Variants in KIF26B observed in about 807,000 individuals in gnomAD.
The protein encoded by KIF26B is kinesin-like protein KIF26B.
Under a neutral mutation model 151.2 loss-of-function variants are expected in KIF26B, and 63 were observed. The ratio of observed to expected loss-of-function variants is 0.42; its 90% CI spans 0.34 to 0.51. KIF26B has a LOEUF of 0.51. Ranked by LOEUF, KIF26B falls within the 20% of genes least tolerant of loss-of-function variation. The pLI is 0.07. For synonymous variants in KIF26B, 1,357 were observed against 1,262.1 expected, an observed-to-expected ratio of 1.08 and a Z score of -1.59; for missense variants, 2,813 against 2,913.6, an observed-to-expected ratio of 0.97 and a Z score of 0.79.
chr1:245,603,085 G>A (rs2043414504), intron 6 of KIF26B, among the ~76,000 whole-genome samples: 1 of 151,820 alleles, frequency 6.6e-6, no homozygotes, highest in African/African-American at 2.4e-5. Flanking sequence ...AGGACAATGC[G>A]TCAAGGTGCT....
intron 2 of KIF26B, among the ~76,000 whole-genome samples, chr1:245,214,833 TC>T (rs1485104413): frequency 6.6e-6 from 1 of 151,980 alleles, no homozygotes; most frequent in African/African-American, 2.4e-5. Flanking sequence ...AGAGCAAAAC[TC>T]CGTCTGAAAA....
chr1:245,337,401 C>T lies in KIF26B; in HGVS notation c.466-29433C>T, dbSNP rs182071796. 8.3e-3 allele frequency among the ~76,000 whole-genome samples: 1,253 copies of T among 151,844 alleles called. 7 individuals carry two copies. Among genetic ancestry groups the T allele is most frequent in the Non-Finnish European group, 0.011 (736 of 67,950 alleles). ...TTCACCACATTGGCCAGGCTGGTCT[C>T]GAACTCCTGACTTCAAGTGATCCAT... On this transcript the variant is annotated intron_variant, in intron 2 of 14. Coordinates refer to ENST00000407071, the MANE Select transcript of KIF26B (RefSeq NM_018012.4).
intron 4 of KIF26B, among the ~76,000 whole-genome samples, chr1:245,481,400 C>T (rs904332943): frequency 7.9e-5 from 12 of 151,794 alleles, no homozygotes; most frequent in Admixed American, 2.0e-4. Context: ...TCAAATGTAA[C>T]GTAAAAAGGA....
chr1:245,225,885 C>G (rs1268706620), intron 2 of KIF26B: 1 of 152,158 alleles, frequency 6.6e-6, no homozygotes, highest in African/African-American at 2.4e-5. Flanking sequence ...GAAATCTGAA[C>G]CATATGGTCT....
chr1:245,402,882 C>T (rs759099706), intron 3 of KIF26B, among the ~76,000 whole-genome samples: 1 of 152,182 alleles, frequency 6.6e-6, no homozygotes, highest in South Asian at 2.1e-4. Flanking sequence ...AAACTCATGG[C>T]TGCGAAGAGT....
chr1:245,243,500 A>T (rs1192095641), intron 2 of KIF26B, among the ~76,000 whole-genome samples: 1 of 151,872 alleles, frequency 6.6e-6, no homozygotes, highest in Non-Finnish European at 1.5e-5. Context: ...ACATAAAAGG[A>T]TCTTTTGTTG....
intron 2 of KIF26B, among the ~76,000 whole-genome samples, chr1:245,351,873 A>T (rs1180875526): frequency 6.6e-6 from 1 of 152,226 alleles, no homozygotes; most frequent in Admixed American, 6.5e-5. Context: ...TAGCACTTAC[A>T]AAAAGACCTG....
At chr1:245,187,979 G>A (rs1184682306) in intron 2 of KIF26B, among the ~76,000 whole-genome samples, 1 of 151,986 alleles carries the variant, frequency 6.6e-6, no homozygotes, top group Non-Finnish European at 1.5e-5. Context: ...ACTGAAATTG[G>A]AATCAGAGGC....
chr1:245,379,068 G>T (rs1272184654), intron 3 of KIF26B, among the ~76,000 whole-genome samples: 2 of 152,224 alleles, frequency 1.3e-5, no homozygotes, highest in Admixed American at 6.5e-5. Flanking sequence ...TCCATTGTAA[G>T]AGCCAGTGGC....
intron 10 of KIF26B, among the ~76,000 whole-genome samples, chr1:245,681,476 T>C (rs1444198183): frequency 1.3e-5 from 2 of 152,166 alleles, no homozygotes; most frequent in Non-Finnish European, 2.9e-5. Flanking sequence ...CCCAAAGTGC[T>C]GGGATTACAG....
intron 2 of KIF26B, among the ~76,000 whole-genome samples, chr1:245,220,464 CTG>C (rs1437774311): frequency 3.3e-5 from 5 of 152,086 alleles, no homozygotes; most frequent in African/African-American, 1.2e-4. Context: ...TCTTCACAGC[CTG>C]TGCTCCCTCC....
At position 245,303,528 on chromosome 1, in the gene KIF26B, T is replaced by C. The variant is rs539037989; in HGVS notation, c.466-63306T>C. 2.0e-5 allele frequency among the ~76,000 whole-genome samples: 3 copies of C among 152,332 alleles called. No homozygotes were observed. In the South Asian group the frequency reaches 6.2e-4, roughly 32 times the overall value. ...TGTTCTTAAAGATCCTTTCCAGCCC[T>C]GACATTGAACTCAGTACATCAACTT... is the stretch of plus-strand genomic sequence containing the variant. On this transcript the variant is annotated intron_variant, in intron 2 of 14. Coordinates refer to ENST00000407071, the MANE Select transcript of KIF26B (RefSeq NM_018012.4).
chr1:245,556,212 TTCC>T (rs909591212), intron 5 of KIF26B, among the ~76,000 whole-genome samples: 7 of 151,122 alleles, frequency 4.6e-5, no homozygotes, highest in East Asian at 2.0e-4. Flanking sequence ...TCTCTTCTTC[TTCC>T]TCCTCCTCCT....
intron 12 of KIF26B, among the ~76,000 whole-genome samples, chr1:245,697,113 A>T (rs2044705378): frequency 6.6e-6 from 1 of 152,170 alleles, no homozygotes; most frequent in Admixed American, 6.6e-5. Context: ...TCCCTCTCAA[A>T]AACAGTGAGG....
rs1296985127 is a variant in KIF26B at position 245,708,060 on chromosome 1, T to C, written c.*5454T>C. 1 of 152,236 alleles carries C rather than the reference T, an allele frequency of 6.6e-6. No homozygotes were observed. Among genetic ancestry groups the C allele is most frequent in the East Asian group, 1.9e-4 (1 of 5,196 alleles). The allele number at this position is 152,236 out of a possible 1,614,324, so 9.4% of individuals were successfully genotyped here. A position where few individuals can be genotyped will look rare whatever the true frequency, so the allele number is the denominator to read the frequency against. On this transcript the variant is annotated 3_prime_UTR_variant, in exon 15 of 15. Coordinates refer to ENST00000407071, the MANE Select transcript of KIF26B (RefSeq NM_018012.4). ...ATCTTAAGGCATTTTGTCCCCTCAC[T>C]GGGTCCCGAGAGGCAGGGAGGGGCT...
rs1175691149 is a variant in KIF26B at position 245,446,212 on chromosome 1, A to G, written c.1166+26467A>G. On this transcript the variant is annotated intron_variant, in intron 4 of 14. Coordinates refer to ENST00000407071, the MANE Select transcript of KIF26B (RefSeq NM_018012.4). ...CTTTAGGCAGTTGTAAGACAGTGCT[A>G]AGTATTTGCATATCTGAACATATAT... Among the ~76,000 whole-genome samples, 4 of 152,308 alleles carry G rather than the reference A, an allele frequency of 2.6e-5. No individual in the cohort carries two copies. In the East Asian group the frequency reaches 7.7e-4, roughly 29 times the overall value.
intron 10 of KIF26B, among the ~76,000 whole-genome samples, chr1:245,650,083 C>T (rs1312031322): frequency 6.6e-6 from 1 of 152,192 alleles, no homozygotes; most frequent in African/African-American, 2.4e-5. Flanking sequence ...AACGGTGGCA[C>T]CATTCAGAAA....
At chr1:245,585,845 A>C (rs1159288848) in intron 5 of KIF26B, among the ~76,000 whole-genome samples, 1 of 152,098 alleles carries the variant, frequency 6.6e-6, no homozygotes, top group Non-Finnish European at 1.5e-5. Context: ...GCATGCATAC[A>C]GCCGACTCTT....
chr1:245,645,240 T>C (rs1224611011), intron 9 of KIF26B, among the ~76,000 whole-genome samples: 1 of 151,358 alleles, frequency 6.6e-6, no homozygotes, highest in Non-Finnish European at 1.5e-5. Flanking sequence ...GTTTGGGTCA[T>C]GGGGGTGGAC....
Sources: gnomAD v4.1 joint callset for allele counts (sites outside exome capture counted in the v4.1 genomes callset) on GRCh38, gnomAD v4.1.1 for gene constraint, MANE v1.5 for transcripts, NCBI Gene and HGNC (gene_info 2026-07-23, HGNC 2026-07-21) for gene names.